Variants in CHRM3 observed in about 807,000 individuals in gnomAD.
CHRM3 encodes the protein muscarinic acetylcholine receptor M3.
A neutral mutation model predicts 41.8 loss-of-function variants in CHRM3; 11 were observed. That is an observed-to-expected ratio of 0.26 (90% confidence interval 0.17 to 0.44). CHRM3 has a LOEUF of 0.44. Ranked by LOEUF, CHRM3 falls within the 20% of genes least tolerant of loss-of-function variation. The pLI is 1.00. For synonymous variants in CHRM3, 297 were observed against 301.4 expected (o/e 0.99, Z 0.15); for missense variants, 571 against 745.4 (o/e 0.77, Z 2.72).
At chr1:239,586,106 G>A (rs377556428) in intron 3 of CHRM3, among the ~76,000 whole-genome samples, 10 of 152,124 alleles carry the variant, frequency 6.6e-5, no homozygotes, top group African/African-American at 2.2e-4. Context: ...CTGCCCTCCC[G>A]TGGGAGGCAG....
intron 5 of CHRM3, among the ~76,000 whole-genome samples, chr1:239,787,100 T>C (rs982515330): frequency 1.3e-5 from 2 of 152,110 alleles, no homozygotes; most frequent in Non-Finnish European, 2.9e-5. Flanking sequence ...CTCTTGCCCA[T>C]AATTTTGGTT....
chr1:239,789,412 A>G (rs1669165614), intron 5 of CHRM3, among the ~76,000 whole-genome samples: 1 of 152,204 alleles, frequency 6.6e-6, no homozygotes, highest in African/African-American at 2.4e-5. Flanking sequence ...TGCATTTTGC[A>G]TTGCTATAAA....
chr1:239,588,407 A>T (rs1663657157), intron 3 of CHRM3, among the ~76,000 whole-genome samples: 1 of 152,126 alleles, frequency 6.6e-6, no homozygotes, highest in South Asian at 2.1e-4. Flanking sequence ...CATGCAGGAG[A>T]CCCTCAACAA....
At chr1:239,458,659 G>T (rs141558158) in intron 1 of CHRM3, among the ~76,000 whole-genome samples, 90 of 152,190 alleles carry the variant, frequency 5.9e-4, no homozygotes, top group African/African-American at 2.1e-3. Context: ...ATAACCCAAA[G>T]CATTTGATTC....
At chr1:239,900,374 A>C (rs1179466501) in intron 6 of CHRM3, among the ~76,000 whole-genome samples, 1 of 138,944 alleles carries the variant, frequency 7.2e-6, no homozygotes, top group African/African-American at 3.0e-5. Context: ...ACTTTTAGAT[A>C]TTCTTTTTTT....
At chr1:239,617,594 C>T (rs1215838479) in intron 3 of CHRM3, among the ~76,000 whole-genome samples, 1 of 152,080 alleles carries the variant, frequency 6.6e-6, no homozygotes, top group African/African-American at 2.4e-5. Flanking sequence ...ATTAGCCAGG[C>T]ATAGTGGCGC....
chr1:239,458,691 C>T (rs1665138336), intron 1 of CHRM3, among the ~76,000 whole-genome samples: 1 of 152,080 alleles, frequency 6.6e-6, no homozygotes, highest in African/African-American at 2.4e-5. Context: ...TTGAAGGAAC[C>T]TTCAAACTTC....
In CHRM3 at chr1:239,748,085, A is replaced by G. The variant is rs932214777; in HGVS notation, c.-147+69797A>G. On this transcript the variant is annotated intron_variant, in intron 5 of 6. Coordinates refer to ENST00000676153, the MANE Select transcript of CHRM3 (RefSeq NM_001375978.1). This position sits in a 1 kb window ranked among gnomAD's most constrained non-coding sequence, Gnocchi z 4.3. ...AACACTGTGAAAATAGGAGTAAGGA[A>G]AAGCCCTTACAATTTGAACAGACAC... Among the ~76,000 whole-genome samples the G allele has an allele frequency of 1.3e-5, 2 of 152,138 alleles. No individual in the cohort carries two copies.
chr1:239,602,089 CAT>C (rs1491460736), intron 3 of CHRM3, among the ~76,000 whole-genome samples: 38 of 13,072 alleles, frequency 2.9e-3, no homozygotes, highest in Admixed American at 0.014. Context: ...TACATATATA[CAT>C]GTGTGTGTGT....
At chr1:239,445,785 T>A (rs1347784080) in intron 1 of CHRM3, among the ~76,000 whole-genome samples, 2 of 152,160 alleles carry the variant, frequency 1.3e-5, no homozygotes, top group African/African-American at 4.8e-5. Context: ...TTAATATGAA[T>A]GCTATCTACT....
intron 3 of CHRM3, among the ~76,000 whole-genome samples, chr1:239,561,950 C>T (rs1041992356): frequency 1.3e-5 from 2 of 152,092 alleles, no homozygotes; most frequent in East Asian, 1.9e-4. Flanking sequence ...CCATCTCCAT[C>T]CTTCCAAGAT....
chr1:239,481,728 ACTGGATGAGTGCTATTCTAGGGG>A (rs1666867219), intron 1 of CHRM3, among the ~76,000 whole-genome samples: 1 of 152,212 alleles, frequency 6.6e-6, no homozygotes, highest in Non-Finnish European at 1.5e-5. Flanking sequence ...ACAGCTAATT[ACTGGATGAGTGCTATTCTAGGGG>A]CTGGGATACA....
intron 5 of CHRM3, among the ~76,000 whole-genome samples, chr1:239,758,398 G>A (rs1385382947): frequency 6.6e-6 from 1 of 152,090 alleles, no homozygotes; most frequent in Admixed American, 6.6e-5. Flanking sequence ...GTTAGGCTAC[G>A]TGTATCCCTT....
rs1044830598 is a variant in CHRM3 at position 239,741,603 on chromosome 1, T to C, written c.-147+63315T>C. 4.6e-5 allele frequency among the ~76,000 whole-genome samples: 7 copies of C among 152,292 alleles called. 1 individual carries two copies. Among genetic ancestry groups the C allele is most frequent in the Admixed American group, 4.6e-4 (7 of 15,296 alleles). On this transcript the variant is annotated intron_variant, in intron 5 of 6. Transcript: ENST00000676153. ...ACCCTCATATACTTTTCATAAGGCA[T>C]GTGACTTTGAACAAATAAATGAAAG...
At chr1:239,905,851 T>C (rs1025227323) in intron 6 of CHRM3, among the ~76,000 whole-genome samples, 1 of 152,234 alleles carries the variant, frequency 6.6e-6, no homozygotes, top group African/African-American at 2.4e-5. Context: ...AGAGAGCTCA[T>C]TGTTCAATAA....
intron 3 of CHRM3, among the ~76,000 whole-genome samples, chr1:239,580,295 CA>C (rs1662751901): frequency 2.1e-5 from 3 of 143,460 alleles, no homozygotes; most frequent in Non-Finnish European, 4.7e-5. Context: ...CACACACACA[CA>C]CACACACACA....
At chr1:239,548,748 T>G (rs1203865621) in intron 3 of CHRM3, among the ~76,000 whole-genome samples, 1 of 151,392 alleles carries the variant, frequency 6.6e-6, no homozygotes, top group Non-Finnish European at 1.5e-5. Context: ...TGTGATGCTG[T>G]CCTGCCCTCC....
intron 1 of CHRM3, among the ~76,000 whole-genome samples, chr1:239,479,973 T>C (rs1212072694): frequency 1.3e-5 from 2 of 152,314 alleles, no homozygotes; most frequent in Non-Finnish European, 2.9e-5. Flanking sequence ...GCTATGATGT[T>C]ACAAAGGCTA....
chr1:239,656,118 A>C (rs2148989547), intron 4 of CHRM3, among the ~76,000 whole-genome samples: 1 of 152,258 alleles, frequency 6.6e-6, no homozygotes, highest in Admixed American at 6.5e-5. Flanking sequence ...ATGGGCACAA[A>C]GAAGGAAAGG....
Sources: allele counts gnomAD v4.1 joint callset (sites outside exome capture counted in the v4.1 genomes callset), GRCh38; gene constraint gnomAD v4.1.1; non-coding constraint Gnocchi (gnomAD v3.1); transcripts MANE v1.5; gene names NCBI Gene and HGNC (gene_info 2026-07-23, HGNC 2026-07-21).